The following NAT9 variants were observed in gnomAD, a reference collection of about 807,000 sequenced individuals.
NAT9 encodes N-acetyltransferase 9, also known as alpha/beta-tubulin-N-acetyltransferase 9.
In NAT9, 18 loss-of-function variants were observed where a neutral mutation model predicts 24.0. That is an observed-to-expected ratio of 0.75 (90% confidence interval 0.52 to 1.11). The LOEUF is 1.11. Ranked by LOEUF, NAT9 falls within the 50% of genes most tolerant of loss-of-function variation. NAT9 has a pLI of 0.00. For missense variants in NAT9, 254 were observed against 258.6 expected (o/e 0.98, Z 0.12); for synonymous variants, 104 against 102.3 (o/e 1.02, Z -0.10).
At chr17:74,774,082 G>A (rs2035617664) in intron 2 of NAT9, 3 of 200,766 alleles carry the variant, frequency 1.5e-5, no homozygotes, top group South Asian at 8.4e-5. Context: ...CCCATCTACA[G>A]CACCACTATC....
rs1188798259 is a variant in NAT9 at position 74,772,069 on chromosome 17, G to A, written c.395-15C>T. The A allele has an allele frequency of 4.3e-6, 7 of 1,614,044 alleles. No homozygotes were observed. Among genetic ancestry groups the A allele is most frequent in the African/African-American group, 1.3e-5 (1 of 74,930 alleles). ...CGTGGTCACTCCTCGCAGAGGAGAT[G>A]AGACAGGGGCAAGTAAGGAGGCGCC... On this transcript the variant is annotated splice_polypyrimidine_tract_variant and intron_variant, in intron 5 of 6. Transcript: ENST00000357814.
intron 2 of NAT9, chr17:74,775,369 T>A (rs377160682): frequency 5.6e-6 from 2 of 360,360 alleles, no homozygotes; most frequent in African/African-American, 4.2e-5. Context: ...TGTATTTTTT[T>A]GTAGAGACAA....
At chr17:74,775,154 C>T (rs11655219) in intron 2 of NAT9, among the ~76,000 whole-genome samples, 55,224 of 151,446 alleles carry the variant, frequency 0.36, 10,929 homozygotes, top group Non-Finnish European at 0.45. Flanking sequence ...CGCACCCGGC[C>T]GTTTTTTTGT....
At chr17:74,775,740 G>C (rs73995859) in intron 1 of NAT9, 33 bp from the exon 2 acceptor site, 9 of 1,587,584 alleles carry the variant, frequency 5.7e-6, no homozygotes, top group African/African-American at 4.0e-5. Flanking sequence ...AAGACTTCAG[G>C]ACCCTGAATT....
At chr17:74,772,141 G>A (rs1309289314) in intron 5 of NAT9, 77 bp downstream of exon 5, 23 of 1,613,254 alleles carry the variant, frequency 1.4e-5, no homozygotes, top group Non-Finnish European at 1.9e-5. Flanking sequence ...ACCTTCACCT[G>A]CCCCCAACCC....
At chr17:74,772,637 A>G in intron 4 of NAT9, 1 of 1,282,384 alleles carries the variant, frequency 7.8e-7, no homozygotes, top group Non-Finnish European at 1.0e-6. Flanking sequence ...CACCCCAACT[A>G]TGGGACTAAC....
At chr17:74,774,479 G>A (rs571460874) in intron 2 of NAT9, among the ~76,000 whole-genome samples, 57 of 147,244 alleles carry the variant, frequency 3.9e-4, no homozygotes, top group Non-Finnish European at 7.4e-4. Flanking sequence ...ACAGGCATGT[G>A]CCACCATGCC....
In NAT9 at chr17:74,771,873, G is replaced by C. The variant is rs755956464; in HGVS notation, c.490-15C>G. On this transcript the variant is annotated splice_polypyrimidine_tract_variant and intron_variant, in intron 6 of 6. Transcript: ENST00000357814. ...CTCGTAGCCACCTACGTGAGCCAGAGAGAACAAAGCCTGCTAAGTTACAGT... is the reference window on the plus strand; with the variant it reads ...CTCGTAGCCACCTACGTGAGCCAGACAGAACAAAGCCTGCTAAGTTACAGT... 6.2e-7 allele frequency: 1 copy of C among 1,614,244 alleles called. No individual in the cohort carries two copies. The highest frequency in any genetic ancestry group is 8.5e-7 in the Non-Finnish European group (1 of 1,180,042).
At chr17:74,773,902 A>G (rs1382279620) in intron 2 of NAT9, 2 of 520,074 alleles carry the variant, frequency 3.8e-6, no homozygotes, top group South Asian at 2.1e-5. Flanking sequence ...TATCTGTCCA[A>G]TTTCCTATCC....
At chr17:74,772,698 G>C in intron 4 of NAT9, 198 bp downstream of exon 4, 2 of 1,125,664 alleles carry the variant, frequency 1.8e-6, no homozygotes, top group Non-Finnish European at 2.5e-6. Context: ...CTAAGCATAA[G>C]GACTAAAGTG....
At position 74,775,726 on chromosome 17, in the gene NAT9, A is replaced by G. The variant is rs745536986; in HGVS notation, c.-9-19T>C. On this transcript the variant is annotated intron_variant, in intron 1 of 6. Transcript: ENST00000357814. ...TAGCAGCCTGCATGCAGATGGGGAG[A>G]GCAAAGACTTCAGGACCCTGAATTT... 5.6e-6 allele frequency: 9 copies of G among 1,609,970 alleles called. No individual in the cohort carries two copies. Among genetic ancestry groups the G allele is most frequent in the Middle Eastern group, 1.7e-4 (1 of 6,048 alleles).
chr17:74,772,527 CT>C (rs2035370165), intron 4 of NAT9: 1 of 1,412,882 alleles, frequency 7.1e-7, no homozygotes, highest in Non-Finnish European at 9.2e-7. Flanking sequence ...TCAGTAGCCA[CT>C]TGGGGGAAAC....
Position 74,771,740 on chromosome 17 carries a change from G to A in NAT9, c.608C>T (p.Ser203Leu), listed in dbSNP as rs764625024. Reference sequence around the variant, plus strand: ...GCCCAGCCATCAGCAGGGCTCTGCCGACCCATCTCTGTAAGGCTTCTCTTC... The same window carrying A: ...GCCCAGCCATCAGCAGGGCTCTGCCAACCCATCTCTGTAAGGCTTCTCTTC... ...HVEEKPYRDG[S>L]AEPC The change falls in exon 7 of 7, where the codon TCG (serine) becomes TTG (leucine). Residue 203 changes from serine (S) to leucine (L), a missense_variant. Physicochemically the swap from Ser to Leu is moderately radical, Grantham distance 145 (BLOSUM62 -2). Transcript: ENST00000357814. 22 of 1,613,644 alleles carry A rather than the reference G, an allele frequency of 1.4e-5. No individual in the cohort carries two copies. The highest frequency in any genetic ancestry group is 8.0e-5 in the African/African-American group (6 of 74,934).
chr17:74,774,436 CAG>C (rs1039503038), intron 2 of NAT9, among the ~76,000 whole-genome samples: 9 of 137,848 alleles, frequency 6.5e-5, no homozygotes, highest in Non-Finnish European at 1.4e-4. Flanking sequence ...TTTTTTGAGA[CAG>C]AGTTTTACTC....
At position 74,775,557 on chromosome 17, in the gene NAT9, A is replaced by G. The variant is rs2035928206; in HGVS notation, c.77+65T>C. On this transcript the variant is annotated intron_variant, in intron 2 of 6. Coordinates refer to ENST00000357814, the MANE Select transcript of NAT9 (RefSeq NM_015654.5). Reference sequence around the variant, plus strand: ...TCTTCTTAGGGGAAATAGCCCTGAGACTGGGGCTGTACCTTACACAGCTCT... The same window carrying G: ...TCTTCTTAGGGGAAATAGCCCTGAGGCTGGGGCTGTACCTTACACAGCTCT... 9.1e-6 allele frequency: 12 copies of G among 1,324,576 alleles called. 2 individuals carry two copies. In the South Asian group the frequency reaches 1.6e-4, roughly 17 times the overall value. 82.1% of individuals were successfully genotyped at this position (1,324,576 alleles called of 1,614,324 possible).
Position 74,771,778 on chromosome 17 carries a change from C to G in NAT9, c.570G>C (p.Gln190His). 1 of 1,614,128 alleles carries G rather than the reference C, an allele frequency of 6.2e-7. No individual in the cohort carries two copies. Among genetic ancestry groups the G allele is most frequent in the Non-Finnish European group, 8.5e-7 (1 of 1,180,050 alleles). Residue 190 changes from glutamine to histidine, a missense_variant, in exon 7 of 7, where the codon CAG becomes CAC. By Grantham distance (24) the Gln-to-His change is conservative. Transcript: ENST00000357814. Reference sequence around the variant, plus strand: ...AAGGCTTCTCTTCCACGTGGCTGGTCTGCTCCAGAAGCCACTGATGCTCGG... The same window carrying G: ...AAGGCTTCTCTTCCACGTGGCTGGTGTGCTCCAGAAGCCACTGATGCTCGG... The part of the protein sequence containing the change: ...SESEHQWLLE[Q>H]TSHVEEKPYR...
intron 2 of NAT9, 124 bp downstream of exon 2, chr17:74,775,498 C>G: frequency 2.7e-6 from 2 of 752,084 alleles, no homozygotes; most frequent in Non-Finnish European, 4.0e-6. Context: ...CTTTTTTCCC[C>G]CCTCATATAT....
At chr17:74,775,595 G>T in intron 2 of NAT9, 27 bp downstream of exon 2, 1 of 1,599,108 alleles carries the variant, frequency 6.3e-7, no homozygotes, top group Non-Finnish European at 8.6e-7. Context: ...GTGCTGATAC[G>T]CACCCCATGT....
At chr17:74,774,699 G>A (rs552618877) in intron 2 of NAT9, among the ~76,000 whole-genome samples, 1 of 151,532 alleles carries the variant, frequency 6.6e-6, no homozygotes, top group Non-Finnish European at 1.5e-5. Flanking sequence ...ACAGGCGCCC[G>A]CCACCACATC....
Sources: gnomAD v4.1 joint callset for allele counts (sites outside exome capture counted in the v4.1 genomes callset) on GRCh38, gnomAD v4.1.1 for gene constraint, MANE v1.5 for transcripts, NCBI Gene and HGNC (gene_info 2026-07-23, HGNC 2026-07-21) for gene names.